SLC9D1: variants seen among roughly 807,000 people sequenced by gnomAD.
SLC9D1 encodes the protein putative LAG1-interacting protein.
At chr13:113,503,714 C>T in the SLC9D1 span, 39 of 586,630 alleles carry the variant, frequency 6.6e-5, no homozygotes, top group Middle Eastern at 2.7e-4. Flanking sequence ...TATGATATTT[C>T]GGTTTGATGT....
the SLC9D1 span, among the ~76,000 whole-genome samples, chr13:113,497,084 CTG>C: frequency 6.6e-6 from 1 of 152,144 alleles, no homozygotes; most frequent in Admixed American, 6.5e-5. Flanking sequence ...TGACCTGCAG[CTG>C]TGTGTCAGAC....
the SLC9D1 span, chr13:113,491,258 G>A: frequency 6.6e-6 from 1 of 152,328 alleles, no homozygotes; most frequent in African/African-American, 2.4e-5. Context: ...GGGCGGGCGC[G>A]GATCCCTGCG....
chr13:113,510,106 G>A, the SLC9D1 span: 2 of 779,096 alleles, frequency 2.6e-6, no homozygotes, highest in South Asian at 1.7e-5. Context: ...TGTTCAGATG[G>A]TGACCCCAGC....
chr13:113,517,384 C>G, the SLC9D1 span, among the ~76,000 whole-genome samples: 288 of 152,224 alleles, frequency 1.9e-3, 2 homozygotes, highest in African/African-American at 6.6e-3. Flanking sequence ...AGGCGCCCGC[C>G]ACCACGCCCG....
At chr13:113,508,137 T>A in the SLC9D1 span, among the ~76,000 whole-genome samples, 1 of 152,246 alleles carries the variant, frequency 6.6e-6, no homozygotes, top group Non-Finnish European at 1.5e-5. Flanking sequence ...CCCTCCTGGC[T>A]GGAATGTGGG....
chr13:113,529,846 CAG>C, the SLC9D1 span: 5 of 152,294 alleles, frequency 3.3e-5, no homozygotes, highest in South Asian at 2.1e-4. Context: ...CCTGATACCA[CAG>C]AGTTACACAC....
chr13:113,500,943 C>T, the SLC9D1 span, among the ~76,000 whole-genome samples: 2 of 152,154 alleles, frequency 1.3e-5, no homozygotes, highest in Non-Finnish European at 2.9e-5. Context: ...ATCTGTAAAA[C>T]TATTCTTTCT....
chr13:113,499,367 C>T, the SLC9D1 span, among the ~76,000 whole-genome samples: 1 of 152,160 alleles, frequency 6.6e-6, no homozygotes, highest in Non-Finnish European at 1.5e-5. Context: ...ACTAAGAATG[C>T]CTGTCCCGGA....
chr13:113,515,719 G>A, the SLC9D1 span, among the ~76,000 whole-genome samples: 3 of 151,664 alleles, frequency 2.0e-5, no homozygotes, highest in Non-Finnish European at 2.9e-5. Context: ...GTGAAACCCC[G>A]TCTCTACTAA....
the SLC9D1 span, among the ~76,000 whole-genome samples, chr13:113,535,639 C>A: frequency 1.6e-4 from 25 of 152,380 alleles, no homozygotes; most frequent in African/African-American, 5.5e-4. The surrounding 1 kb of genome is among the most constrained non-coding windows in gnomAD (Gnocchi z 4.1). Flanking sequence ...CCGGCACACA[C>A]CTCCGAGAAC....
chr13:113,518,964 G>A, the SLC9D1 span, among the ~76,000 whole-genome samples: 1 of 152,058 alleles, frequency 6.6e-6, no homozygotes, highest in Non-Finnish European at 1.5e-5. Context: ...GGCATCAAGG[G>A]GTTTTGTGTG....
At chr13:113,548,549 G>A in the SLC9D1 span, 3 of 1,361,878 alleles carry the variant, frequency 2.2e-6, no homozygotes, top group Non-Finnish European at 2.0e-6. Flanking sequence ...AGCACAGCGG[G>A]GCCTGGGGGC....
chr13:113,515,326 A>C, the SLC9D1 span, among the ~76,000 whole-genome samples: 1 of 152,350 alleles, frequency 6.6e-6, no homozygotes, highest in African/African-American at 2.4e-5. Flanking sequence ...GAAAGATAGA[A>C]GATGTGGAAT....
At chr13:113,511,057 C>T in the SLC9D1 span, among the ~76,000 whole-genome samples, 2 of 121,396 alleles carry the variant, frequency 1.6e-5, no homozygotes, top group South Asian at 4.9e-4. Context: ...AGCCGACTTG[C>T]TCGGAGCCTA....
At chr13:113,500,013 C>A in the SLC9D1 span, 6 of 1,585,622 alleles carry the variant, frequency 3.8e-6, no homozygotes, top group Non-Finnish European at 5.2e-6. Context: ...GAGGCCAATT[C>A]TAAGCAAAAT....
At chr13:113,523,118 C>CT in the SLC9D1 span, among the ~76,000 whole-genome samples, 30,573 of 141,278 alleles carry the variant, frequency 0.22, 3,331 homozygotes, top group Admixed American at 0.3. Context: ...GTAGTTCTCT[C>CT]TTTTTTTTTT....
the SLC9D1 span, among the ~76,000 whole-genome samples, chr13:113,519,310 T>C: frequency 6.6e-6 from 1 of 151,760 alleles, no homozygotes; most frequent in Non-Finnish European, 1.5e-5. Flanking sequence ...CCTCCCAAAG[T>C]GCTGGGATTA....
the SLC9D1 span, among the ~76,000 whole-genome samples, chr13:113,501,438 A>G: frequency 6.6e-6 from 1 of 152,204 alleles, no homozygotes; most frequent in East Asian, 1.9e-4. Context: ...GTTTTGTATC[A>G]GAGACTTGAG....
the SLC9D1 span, among the ~76,000 whole-genome samples, chr13:113,496,423 G>T: frequency 6.6e-6 from 1 of 152,162 alleles, no homozygotes; most frequent in East Asian, 1.9e-4. Flanking sequence ...TTAGTGTGAA[G>T]TTTGACTTTT....
Sources: gnomAD v4.1 joint callset for allele counts (sites outside exome capture counted in the v4.1 genomes callset) on GRCh38, gnomAD v4.1.1 for gene constraint, Gnocchi (gnomAD v3.1) non-coding constraint, MANE v1.5 for transcripts, NCBI Gene and HGNC (gene_info 2026-07-23, HGNC 2026-07-21) for gene names.